Variants in GALNT13 observed in about 807,000 individuals in gnomAD.
The protein encoded by GALNT13 is UDP-GalNAc:polypeptide N-acetylgalactosaminyltransferase 13.
In GALNT13, 28 loss-of-function variants were observed where a neutral mutation model predicts 64.2. That is an observed-to-expected ratio of 0.44 (90% CI 0.32 to 0.60). GALNT13 has a LOEUF of 0.60. Ranked by LOEUF, GALNT13 falls within the 20% of genes least tolerant of loss-of-function variation. GALNT13 has a pLI of 0.05. For missense variants in GALNT13, 577 were observed against 669.8 expected, an observed-to-expected ratio of 0.86 and a Z score of 1.53; for synonymous variants, 214 against 224.6, an observed-to-expected ratio of 0.95 and a Z score of 0.42.
chr2:153,366,383 C>G, the GALNT13 span, among the ~76,000 whole-genome samples: 1 of 151,922 alleles, frequency 6.6e-6, no homozygotes, highest in South Asian at 2.1e-4. Context: ...TTTTGCACAT[C>G]TATCCCGGAA....
At chr2:153,090,659 T>G in the GALNT13 span, among the ~76,000 whole-genome samples, 51,015 of 151,992 alleles carry the variant, frequency 0.34, 9,477 homozygotes, top group Non-Finnish European at 0.44. Context: ...TTGGACAGCA[T>G]ATGGGAAGGG....
At chr2:153,906,240 T>C (rs985837626) in intron 2 of GALNT13, among the ~76,000 whole-genome samples, 1 of 151,746 alleles carries the variant, frequency 6.6e-6, no homozygotes. Context: ...TTTTTCTTTT[T>C]TTTTAAATTT....
At chr2:154,142,001 C>G (rs1475501537) in intron 4 of GALNT13, among the ~76,000 whole-genome samples, 1 of 152,114 alleles carries the variant, frequency 6.6e-6, no homozygotes, top group Non-Finnish European at 1.5e-5. Context: ...GTAAAACAAA[C>G]TCTTGGCATT....
intron 4 of GALNT13, among the ~76,000 whole-genome samples, chr2:154,203,557 A>G: frequency 6.6e-6 from 1 of 152,160 alleles, no homozygotes; most frequent in East Asian, 1.9e-4. Context: ...AAAGTCATTC[A>G]GACAAGAAGT....
At chr2:153,378,434 G>A in the GALNT13 span, among the ~76,000 whole-genome samples, 3 of 151,978 alleles carry the variant, frequency 2.0e-5, no homozygotes, top group Non-Finnish European at 4.4e-5. Flanking sequence ...ACATAGCTCT[G>A]AAGAGAAAAT....
At chr2:153,352,817 G>A in the GALNT13 span, among the ~76,000 whole-genome samples, 87 of 151,890 alleles carry the variant, frequency 5.7e-4, no homozygotes, top group Admixed American at 3.8e-3. Flanking sequence ...TCTTTTTGTC[G>A]GCTCTTTCAT....
At chr2:153,285,249 C>A in the GALNT13 span, among the ~76,000 whole-genome samples, 2 of 152,022 alleles carry the variant, frequency 1.3e-5, no homozygotes, top group Non-Finnish European at 2.9e-5. Flanking sequence ...CCCCCATGGT[C>A]CAATTACCTC....
chr2:153,178,932 G>A, the GALNT13 span, among the ~76,000 whole-genome samples: 210 of 151,430 alleles, frequency 1.4e-3, 4 homozygotes, highest in African/African-American at 4.9e-3. Context: ...TAGTAGAGAT[G>A]GGGTTTCACC....
intron 3 of GALNT13, among the ~76,000 whole-genome samples, chr2:154,075,555 T>A (rs1433464554): frequency 6.6e-6 from 1 of 151,834 alleles, no homozygotes; most frequent in Admixed American, 6.6e-5. Context: ...GTTGATCAAA[T>A]ATATTTTCAA....
chr2:154,299,900 TATAAA>T (rs1693330074), intron 8 of GALNT13, among the ~76,000 whole-genome samples: 1 of 151,912 alleles, frequency 6.6e-6, no homozygotes, highest in Non-Finnish European at 1.5e-5. Flanking sequence ...GTTTAAAAAT[TATAAA>T]ATAAAAAAAT....
the GALNT13 span, among the ~76,000 whole-genome samples, chr2:153,829,899 C>G: frequency 0.29 from 44,557 of 151,998 alleles, 7,127 homozygotes; most frequent in Middle Eastern, 0.43. Flanking sequence ...AAGTCTCAGT[C>G]TTTACATTTT....
chr2:153,881,937 A>G lies in GALNT13; in HGVS notation c.-177+9634A>G, dbSNP rs188004024. ...TTATTACTATCATGATTATGGTGAC[A>G]TGCAATAGTGTAATAATTTTGTTGG... is the stretch of plus-strand genomic sequence containing the variant. On this transcript the variant is annotated intron_variant, in intron 1 of 12. Transcript: ENST00000392825. 4.0e-3 allele frequency among the ~76,000 whole-genome samples: 616 copies of G among 152,228 alleles called. 3 individuals are homozygous for G. Among genetic ancestry groups the G allele is most frequent in the African/African-American group, 0.014 (589 of 41,548 alleles).
chr2:153,313,925 G>T, the GALNT13 span, among the ~76,000 whole-genome samples: 332 of 152,090 alleles, frequency 2.2e-3, 5 homozygotes, highest in African/African-American at 7.1e-3. Context: ...TTCTTTAAGG[G>T]TTATGACTAT....
the GALNT13 span, among the ~76,000 whole-genome samples, chr2:153,336,121 C>A: frequency 6.6e-6 from 1 of 152,156 alleles, no homozygotes. Context: ...GATGCCCAGG[C>A]AAAAGTTTGC....
In GALNT13 at chr2:153,944,055, A is replaced by T. The variant is rs569864743; in HGVS notation, c.-104-339A>T. On this transcript the variant is annotated intron_variant, in intron 2 of 12. Transcript: ENST00000392825. ...TCAGAATTATTGGCTAGTCAGAAGTACTGAATTAGAGTAAAGTCAGAATTG... is the reference window on the plus strand; with the variant it reads ...TCAGAATTATTGGCTAGTCAGAAGTTCTGAATTAGAGTAAAGTCAGAATTG... Among the ~76,000 whole-genome samples the T allele has an allele frequency of 1.4e-4, 21 of 152,312 alleles. No individual in the cohort carries two copies. The South Asian group carries it at 1.9e-3, about 14-fold the overall frequency.
intron 9 of GALNT13, among the ~76,000 whole-genome samples, chr2:154,313,436 A>G (rs1694159803): frequency 7.1e-5 from 1 of 14,066 alleles, no homozygotes; most frequent in Non-Finnish European, 1.7e-4. Flanking sequence ...ATATATATAT[A>G]TACACACACA....
chr2:154,023,407 G>C lies in GALNT13; in HGVS notation c.142+78768G>C, dbSNP rs147746610. ...TGGGTATATGTATATATTTAGGATA[G>C]TTAGCTCTTCTTGTTGAATTGATCC... On this transcript the variant is annotated intron_variant, in intron 3 of 12. Transcript: ENST00000392825. Among the ~76,000 whole-genome samples the C allele has an allele frequency of 2.0e-3, 312 of 152,332 alleles. 1 individual carries two copies. Among genetic ancestry groups the C allele is most frequent in the Non-Finnish European group, 3.6e-3 (242 of 68,028 alleles).
chr2:153,741,771 TC>T, the GALNT13 span, among the ~76,000 whole-genome samples: 1 of 152,120 alleles, frequency 6.6e-6, no homozygotes, highest in African/African-American at 2.4e-5. Context: ...CTATACAACA[TC>T]CTAATCTGAA....
chr2:154,413,781 C>A (rs1167314062), intron 11 of GALNT13, among the ~76,000 whole-genome samples: 1 of 152,034 alleles, frequency 6.6e-6, no homozygotes, highest in Non-Finnish European at 1.5e-5. Context: ...GCTAGCTATT[C>A]ATTAGCAACT....
Sources: allele counts gnomAD v4.1 joint callset (sites outside exome capture counted in the v4.1 genomes callset), GRCh38; gene constraint gnomAD v4.1.1; transcripts MANE v1.5; gene names NCBI Gene and HGNC (gene_info 2026-07-23, HGNC 2026-07-21).